Variants in CARS1 observed in about 807,000 individuals in gnomAD.
CARS1 encodes the protein cysteinyl-tRNA synthetase 1, also known as cysteine--tRNA ligase, cytoplasmic.
Under a neutral mutation model 106.2 loss-of-function variants are expected in CARS1, and 48 were observed. The ratio of observed to expected loss-of-function variants is 0.45; its 90% CI spans 0.36 to 0.57. The LOEUF is 0.57. Among genes scored for constraint, CARS1 ranks in the 20% least tolerant of loss-of-function variants. CARS1 has a pLI of 0.00. For synonymous variants in CARS1, 409 were observed against 403.4 expected (o/e 1.01, Z -0.17); for missense variants, 968 against 1,057.2 (o/e 0.92, Z 1.17).
rs559977678 is a variant in CARS1, at chr11:3,022,149, T to C, written c.1154-1817A>G. Among the ~76,000 whole-genome samples, 28 of 152,276 alleles carry C rather than the reference T, an allele frequency of 1.8e-4. 1 individual carries two copies. In the South Asian group the frequency reaches 5.8e-3, roughly 32 times the overall value. On this transcript the variant is annotated intron_variant, in intron 10 of 22. Coordinates refer to ENST00000380525, the MANE Select transcript of CARS1 (RefSeq NM_001014437.3). This position sits in a 1 kb window ranked among gnomAD's most constrained non-coding sequence, Gnocchi z 4.9. ...ACGTCCATCCGCTTCCCTGCAGCTC[T>C]AACTGAGAGTCACATAGCACGCTGA...
At chr11:3,049,881 G>A (rs972110788) in intron 1 of CARS1, among the ~76,000 whole-genome samples, 1 of 152,122 alleles carries the variant, frequency 6.6e-6, no homozygotes, top group Non-Finnish European at 1.5e-5. Flanking sequence ...GTGTGTTGCG[G>A]GGGTAACTGC....
rs1021296135 is a variant in CARS1, at chr11:3,034,071, T to C, written c.801+3979A>G. ...TGCTATGATTACAGGAACGAGCCAC[T>C]GCACCTGGTCTGGGCTGGACAATTT... On this transcript the variant is annotated intron_variant, in intron 7 of 22. Coordinates refer to ENST00000380525, the MANE Select transcript of CARS1 (RefSeq NM_001014437.3). This position sits in a 1 kb window ranked among gnomAD's most constrained non-coding sequence, Gnocchi z 6.3. Among the ~76,000 whole-genome samples, 2 of 152,176 alleles carry C rather than the reference T, an allele frequency of 1.3e-5. No individual in the cohort carries two copies. Among genetic ancestry groups the C allele is most frequent in the Non-Finnish European group, 1.5e-5 (1 of 68,046 alleles).
chr11:3,001,357 T>C (rs1346380056), intron 22 of CARS1, 109 bp from the exon 23 acceptor site: 4 of 1,300,392 alleles, frequency 3.1e-6, no homozygotes, highest in Admixed American at 3.8e-5. Context: ...GATGCAGCCA[T>C]GTCCTCTTGC....
Position 3,019,120 on chromosome 11 carries a change from G to A in CARS1, c.1395+19C>T, listed in dbSNP as rs766133534. On this transcript the variant is annotated intron_variant, in intron 12 of 22. Coordinates refer to ENST00000380525, the MANE Select transcript of CARS1 (RefSeq NM_001014437.3). This position sits in a 1 kb window ranked among gnomAD's most constrained non-coding sequence, Gnocchi z 6.2. The stretch of plus-strand genomic sequence containing the variant: ...CACTGTGCTCTTGCACCTGACAAGG[G>A]GACTCTGTTTTCACCTACCTCCGAC... 1.3e-6 allele frequency: 2 copies of A among 1,501,092 alleles called. No homozygotes were observed. The highest frequency in any genetic ancestry group is 2.5e-5 in the Admixed American group (1 of 40,698). 93.0% of individuals were successfully genotyped at this position (1,501,092 alleles called of 1,614,324 possible).
intron 1 of CARS1, among the ~76,000 whole-genome samples, chr11:3,054,224 G>A (rs1564800544): frequency 6.6e-6 from 1 of 152,136 alleles, no homozygotes; most frequent in Admixed American, 6.5e-5. Context: ...GTTCACAAAG[G>A]TGGCCCCCAG....
chr11:3,051,333 C>T (rs1027567561), intron 1 of CARS1, among the ~76,000 whole-genome samples: 8 of 152,224 alleles, frequency 5.3e-5, no homozygotes, highest in South Asian at 4.1e-4. Flanking sequence ...GGGCCTCTCA[C>T]CTGCCCCATC....
At chr11:3,035,316 T>G (rs1853470951) in intron 7 of CARS1, among the ~76,000 whole-genome samples, 1 of 152,144 alleles carries the variant, frequency 6.6e-6, no homozygotes, top group Admixed American at 6.5e-5. Flanking sequence ...CTTGACAAGA[T>G]GCTCAGTCTC....
chr11:3,036,095 T>G (rs945727547), intron 7 of CARS1, among the ~76,000 whole-genome samples: 2 of 152,252 alleles, frequency 1.3e-5, no homozygotes, highest in Admixed American at 6.5e-5. Context: ...TTCACACATG[T>G]GGCTGCATTT....
rs915429235 is a variant in CARS1, at chr11:3,004,121, G to C, written c.2217+1245C>G. ...CGGCAGGCGAGACCCAAGGCTAGGTGAGTGACTGTGATGGAATGGGGAGGG... is the reference window on the plus strand; with the variant it reads ...CGGCAGGCGAGACCCAAGGCTAGGTCAGTGACTGTGATGGAATGGGGAGGG... On this transcript the variant is annotated intron_variant, in intron 20 of 22. Transcript: ENST00000380525. This position sits in a 1 kb window ranked among gnomAD's most constrained non-coding sequence, Gnocchi z 5.2. 9.2e-5 allele frequency among the ~76,000 whole-genome samples: 14 copies of C among 152,216 alleles called. No homozygotes were observed. Among genetic ancestry groups the C allele is most frequent in the Non-Finnish European group, 1.3e-4 (9 of 68,040 alleles).
intron 18 of CARS1, 54 bp downstream of exon 18, chr11:3,012,141 G>GGT (rs1850536212): frequency 6.7e-7 from 1 of 1,503,422 alleles, no homozygotes; most frequent in African/African-American, 1.4e-5. Context: ...GCCCGGTCCG[G>GGT]GGAGCCCAGT....
At chr11:3,026,166 A>G (rs1366422865) in intron 10 of CARS1, among the ~76,000 whole-genome samples, 1 of 152,234 alleles carries the variant, frequency 6.6e-6, no homozygotes, top group Non-Finnish European at 1.5e-5. Flanking sequence ...GGTGCAGCAT[A>G]GAACAGTGGT....
intron 17 of CARS1, among the ~76,000 whole-genome samples, chr11:3,014,832 G>A (rs1488991009): frequency 2.0e-5 from 3 of 152,212 alleles, no homozygotes; most frequent in Non-Finnish European, 4.4e-5. Flanking sequence ...GTTCCTGGGG[G>A]AGCATCTGTA....
chr11:3,010,789 C>T (rs1158157752), intron 18 of CARS1, among the ~76,000 whole-genome samples: 1 of 152,272 alleles, frequency 6.6e-6, no homozygotes, highest in Non-Finnish European at 1.5e-5. Context: ...TCGGCCCCTC[C>T]ACCCACCCAG....
At position 3,039,986 on chromosome 11, in the gene CARS1, C is replaced by T. The variant is rs1854214198; in HGVS notation, c.456-55G>A. Reference sequence around the variant, plus strand: ...CACCAGACGATATGTATAGCTTAACCTCCAACAACACGTGTTTGAACTGCA... The same window carrying T: ...CACCAGACGATATGTATAGCTTAACTTCCAACAACACGTGTTTGAACTGCA... On this transcript the variant is annotated intron_variant, in intron 4 of 22. Transcript: ENST00000380525. The surrounding 1 kb of genome is among the most constrained non-coding windows in gnomAD (Gnocchi z 5.6). 2 of 911,154 alleles carry T rather than the reference C, an allele frequency of 2.2e-6. No homozygotes were observed. Among genetic ancestry groups the T allele is most frequent in the East Asian group, 2.6e-5 (1 of 39,006 alleles). The allele number at this position is 911,154 out of a possible 1,614,324, so 56.4% of individuals were successfully genotyped here. A position where few individuals can be genotyped will look rare whatever the true frequency, so the allele number is the denominator to read the frequency against.
rs565291065 is a variant in CARS1 at position 3,019,438 on chromosome 11, G to A, written c.1267-171C>T. ...AGGCTGGGCGAGATGGCTCACACCT[G>A]TAATCCCAGCACTTTGCGATGCCGA... On this transcript the variant is annotated intron_variant, in intron 11 of 22. Coordinates refer to ENST00000380525, the MANE Select transcript of CARS1 (RefSeq NM_001014437.3). This position sits in a 1 kb window ranked among gnomAD's most constrained non-coding sequence, Gnocchi z 6.2. 1.3e-5 allele frequency among the ~76,000 whole-genome samples: 2 copies of A among 152,316 alleles called. No individual in the cohort carries two copies. The highest frequency in any genetic ancestry group is 4.1e-4 in the South Asian group (2 of 4,830).
intron 10 of CARS1, among the ~76,000 whole-genome samples, chr11:3,025,248 G>C (rs1169197930): frequency 2.0e-5 from 3 of 152,048 alleles, no homozygotes; most frequent in Non-Finnish European, 4.4e-5. Context: ...ATTTTTTTGA[G>C]ACAGAGTCTC....
intron 20 of CARS1, 91 bp downstream of exon 20, chr11:3,005,275 A>G (rs1213802545): frequency 5.3e-6 from 5 of 945,766 alleles, no homozygotes; most frequent in Non-Finnish European, 6.6e-6. Flanking sequence ...AAGTGTAAAC[A>G]TCAATGCTTA....
rs1851455925 is a variant in CARS1 at position 3,020,293 on chromosome 11, C to T, written c.1193G>A (p.Arg398His). 5 of 1,613,978 alleles carry T rather than the reference C, an allele frequency of 3.1e-6. No individual in the cohort carries two copies. Among genetic ancestry groups the T allele is most frequent in the South Asian group, 1.1e-5 (1 of 91,082 alleles). ...SISADRLSEK[R>H]SPNDFALWKA... ...CCATAAGGCAAAGTCGTTGGGAGAG[C>T]GCTTCTCACTCAGGCGGTCTGCAGA... The change falls in exon 11 of 23, where the codon CGC (arginine) becomes CAC (histidine). Residue 398 changes from arginine to histidine, a missense_variant. Transcript: ENST00000380525. This position sits in a 1 kb window ranked among gnomAD's most constrained non-coding sequence, Gnocchi z 4.6.
Position 3,040,535 on chromosome 11 carries a change from C to G in CARS1, c.455+361G>C, listed in dbSNP as rs1385727697. Reference sequence around the variant, plus strand: ...ACAGCCAACCCAGCGTCAGGCCTGTCAGGTCTGAGTGTCACGGGAACTCAG... The same window carrying G: ...ACAGCCAACCCAGCGTCAGGCCTGTGAGGTCTGAGTGTCACGGGAACTCAG... On this transcript the variant is annotated intron_variant, in intron 4 of 22. Coordinates refer to ENST00000380525, the MANE Select transcript of CARS1 (RefSeq NM_001014437.3). This position sits in a 1 kb window ranked among gnomAD's most constrained non-coding sequence, Gnocchi z 5.8. 4.1e-6 allele frequency: 2 copies of G among 491,538 alleles called. No individual in the cohort carries two copies. The highest frequency in any genetic ancestry group is 1.1e-4 in the East Asian group (2 of 17,422). 30.4% of individuals were successfully genotyped at this position (491,538 alleles called of 1,614,324 possible).
Sources: gnomAD v4.1 joint callset for allele counts (sites outside exome capture counted in the v4.1 genomes callset) on GRCh38, gnomAD v4.1.1 for gene constraint, Gnocchi (gnomAD v3.1) non-coding constraint, MANE v1.5 for transcripts, NCBI Gene and HGNC (gene_info 2026-07-23, HGNC 2026-07-21) for gene names.